PIAS4: variants seen among roughly 807,000 people sequenced by gnomAD.
PIAS4 encodes E3 SUMO-protein ligase PIAS4.
Under a neutral mutation model 58.0 loss-of-function variants are expected in PIAS4, and 7 were observed. The observed-to-expected ratio is 0.12, with a 90% CI of 0.07 to 0.23. The LOEUF is 0.23. Among genes scored for constraint, PIAS4 ranks in the 10% least tolerant of loss-of-function variants. The pLI, the probability that PIAS4 is intolerant of heterozygous loss-of-function variation, is 1.00. For missense variants in PIAS4, 550 were observed against 709.5 expected, an observed-to-expected ratio of 0.78 and a Z score of 2.55; for synonymous variants, 364 against 312.4, an observed-to-expected ratio of 1.17 and a Z score of -1.74.
intron 2 of PIAS4, 140 bp from the exon 3 acceptor site, chr19:4,023,896 C>T: frequency 1.5e-6 from 1 of 660,868 alleles, no homozygotes; most frequent in Admixed American, 2.3e-5. Flanking sequence ...GGGCGGCCCC[C>T]ACCTCTGCCC....
chr19:4,026,453 G>A (rs1392041107), intron 3 of PIAS4, among the ~76,000 whole-genome samples: 4 of 151,264 alleles, frequency 2.6e-5, no homozygotes, highest in African/African-American at 2.4e-5. Context: ...TTCTTATGTC[G>A]AGATATGATT....
intron 1 of PIAS4, among the ~76,000 whole-genome samples, chr19:4,010,222 G>A (rs975578239): frequency 6.6e-6 from 1 of 152,204 alleles, no homozygotes; most frequent in Non-Finnish European, 1.5e-5. Flanking sequence ...TCAAGGGCAG[G>A]CTCCTCCGAG....
rs146768945 is a variant in PIAS4, at chr19:4,010,675, C to T, written c.28-2248C>T. 4.1e-3 allele frequency among the ~76,000 whole-genome samples: 619 copies of T among 152,356 alleles called. 2 individuals carry two copies. The highest frequency in any genetic ancestry group is 0.011 in the Admixed American group (165 of 15,312). ...GGCCGAGGGGCCGATGCCAGTCCCACGCATGTACTAGGGAGGCTCTGGGCC... is the reference window on the plus strand; with the variant it reads ...GGCCGAGGGGCCGATGCCAGTCCCATGCATGTACTAGGGAGGCTCTGGGCC... On this transcript the variant is annotated intron_variant, in intron 1 of 10. Transcript: ENST00000262971.
chr19:4,026,531 G>T (rs140821910), intron 3 of PIAS4, among the ~76,000 whole-genome samples: 2 of 151,136 alleles, frequency 1.3e-5, no homozygotes, highest in African/African-American at 4.9e-5. Context: ...AGTAGGTATC[G>T]CAGCTCCCAC....
intron 3 of PIAS4, 104 bp downstream of exon 3, chr19:4,024,224 C>T (rs1266225961): frequency 1.3e-5 from 11 of 841,042 alleles, no homozygotes; most frequent in South Asian, 2.8e-5. Flanking sequence ...AGGCCTCGCT[C>T]GGGCTCAGTC....
chr19:4,031,245 G>C (rs1222268257), intron 7 of PIAS4, among the ~76,000 whole-genome samples: 1 of 152,154 alleles, frequency 6.6e-6, no homozygotes, highest in African/African-American at 2.4e-5. Flanking sequence ...TGCTGGCACT[G>C]CCAGGGGCCT....
chr19:4,011,125 T>TACCCCACTGGG (rs1411796408), intron 1 of PIAS4, among the ~76,000 whole-genome samples: 1 of 152,248 alleles, frequency 6.6e-6, no homozygotes, highest in Non-Finnish European at 1.5e-5. Context: ...GCAGTTTACA[T>TACCCCACTGGG]ACCCCACTGG....
chr19:4,010,768 G>A (rs1303304582), intron 1 of PIAS4, among the ~76,000 whole-genome samples: 2 of 152,222 alleles, frequency 1.3e-5, no homozygotes, highest in Non-Finnish European at 2.9e-5. Flanking sequence ...TGAAATTAGC[G>A]ACACAGGCCT....
chr19:4,028,349 C>G (rs571958540), intron 4 of PIAS4, 161 bp from the exon 5 acceptor site: 2 of 790,286 alleles, frequency 2.5e-6, no homozygotes, highest in South Asian at 3.3e-5. Context: ...CATCACCATC[C>G]GACCCCCACT....
intron 7 of PIAS4, among the ~76,000 whole-genome samples, chr19:4,029,706 T>A (rs1953071016): frequency 6.6e-6 from 1 of 150,900 alleles, no homozygotes; most frequent in Admixed American, 6.6e-5. Flanking sequence ...AGTGCAGTGG[T>A]GGGATCGTGG....
intron 2 of PIAS4, among the ~76,000 whole-genome samples, chr19:4,017,425 G>C (rs1192412580): frequency 2.0e-5 from 3 of 152,104 alleles, no homozygotes; most frequent in African/African-American, 7.2e-5. Context: ...AGAGTGGTCG[G>C]CATCACCCCT....
Position 4,038,142 on chromosome 19 carries a change from A to C in PIAS4, c.*267A>C. ...TAAAAACAAGGCCGGCCACCCACAC[A>C]GCCGCCTCCCCGGCTGGAGTCCGAG... On this transcript the variant is annotated 3_prime_UTR_variant, in exon 11 of 11. Transcript: ENST00000262971. The surrounding 1 kb of genome is among the most constrained non-coding windows in gnomAD (Gnocchi z 4.1). 1.3e-5 allele frequency: 5 copies of C among 390,532 alleles called. No individual in the cohort carries two copies. Among genetic ancestry groups the C allele is most frequent in the Non-Finnish European group, 2.3e-5 (5 of 217,386 alleles). 24.2% of individuals were successfully genotyped at this position (390,532 alleles called of 1,614,324 possible). A position where few individuals can be genotyped will look rare whatever the true frequency, so the allele number is the denominator to read the frequency against.
Position 4,013,191 on chromosome 19 carries a change from C to G in PIAS4, c.296C>G (p.Thr99Ser), listed in dbSNP as rs1194110100. 6.2e-6 allele frequency: 10 copies of G among 1,613,398 alleles called. No homozygotes were observed. The highest frequency in any genetic ancestry group is 8.5e-6 in the Non-Finnish European group (10 of 1,180,030). ...GACCGGGCCGGCGCTGTGCCCAGGA[C>G]TCCGCTGGCAGGCCCCAATATTGAC... ...TYDRAGAVPR[T>S]PLAGPNIDYP... is the part of the protein sequence containing the mutation. The change falls in exon 2 of 11, where the codon ACT (threonine) becomes AGT (serine). Residue 99 changes from threonine (T) to serine (S), a missense_variant. By Grantham distance (58) the Thr-to-Ser change is moderately conservative. Transcript: ENST00000262971. This position sits in a 1 kb window ranked among gnomAD's most constrained non-coding sequence, Gnocchi z 5.1.
intron 2 of PIAS4, among the ~76,000 whole-genome samples, chr19:4,023,086 C>T (rs1227931061): frequency 6.7e-6 from 1 of 150,330 alleles, no homozygotes; most frequent in East Asian, 2.0e-4. Context: ...GCAGGAGGAT[C>T]ACTTGAACCC....
At chr19:4,030,925 G>A (rs1404062933) in intron 7 of PIAS4, among the ~76,000 whole-genome samples, 28 of 152,198 alleles carry the variant, frequency 1.8e-4, no homozygotes, top group Admixed American at 1.8e-3. Context: ...GAGTCAGGCA[G>A]GTGGGTGAGG....
chr19:4,022,659 C>T (rs2040121976), intron 2 of PIAS4, among the ~76,000 whole-genome samples: 1 of 151,856 alleles, frequency 6.6e-6, no homozygotes, highest in African/African-American at 2.4e-5. Context: ...AGCCACCGCG[C>T]CTGGCCGTTT....
intron 7 of PIAS4, among the ~76,000 whole-genome samples, chr19:4,029,949 A>G (rs2040207079): frequency 6.7e-6 from 1 of 149,798 alleles, no homozygotes; most frequent in Admixed American, 6.7e-5. Context: ...CAGCCTCCTG[A>G]GTAGCTGGGA....
At chr19:4,014,986 CTGAGGCTCCGCCTTCCAAG>C (rs984099112) in intron 2 of PIAS4, among the ~76,000 whole-genome samples, 8 of 152,332 alleles carry the variant, frequency 5.3e-5, no homozygotes, top group South Asian at 2.1e-4. Context: ...TCCCTCCAGC[CTGAGGCTCCGCCTTCCAAG>C]TGAGGCTCCG....
At chr19:4,008,679 C>G (rs2039965872) in intron 1 of PIAS4, among the ~76,000 whole-genome samples, 1 of 152,144 alleles carries the variant, frequency 6.6e-6, no homozygotes, top group African/African-American at 2.4e-5. Context: ...TCAGGGGGCT[C>G]TAAACCTCAC....
Sources: gnomAD v4.1 joint callset for allele counts (sites outside exome capture counted in the v4.1 genomes callset) on GRCh38, gnomAD v4.1.1 for gene constraint, Gnocchi (gnomAD v3.1) non-coding constraint, MANE v1.5 for transcripts, NCBI Gene and HGNC (gene_info 2026-07-23, HGNC 2026-07-21) for gene names.